GALNT13: variants seen among roughly 807,000 people sequenced by gnomAD.
The protein encoded by GALNT13 is UDP-GalNAc:polypeptide N-acetylgalactosaminyltransferase 13.
GALNT13 carries 28 observed loss-of-function variants against 64.2 expected under a neutral mutation model. That is an observed-to-expected ratio of 0.44 (90% CI 0.32 to 0.60). The LOEUF is 0.60. Ranked by LOEUF, GALNT13 falls within the 20% of genes least tolerant of loss-of-function variation. GALNT13 has a pLI of 0.05. For missense variants in GALNT13, 577 were observed against 669.8 expected (o/e 0.86, Z 1.53); for synonymous variants, 214 against 224.6 (o/e 0.95, Z 0.42).
At chr2:153,128,377 T>G in the GALNT13 span, among the ~76,000 whole-genome samples, 16 of 151,970 alleles carry the variant, frequency 1.1e-4, no homozygotes, top group Non-Finnish European at 2.1e-4. Flanking sequence ...AAACTCTGGT[T>G]TTTTAAAACC....
the GALNT13 span, among the ~76,000 whole-genome samples, chr2:153,079,287 AT>A: frequency 3.0e-4 from 45 of 152,292 alleles, no homozygotes; most frequent in African/African-American, 1.1e-3. Flanking sequence ...GGTTAGAAAA[AT>A]TTTTAAAGTT....
chr2:153,761,305 CTTA>C, the GALNT13 span: 7 of 152,016 alleles, frequency 4.6e-5, no homozygotes, highest in Non-Finnish European at 8.8e-5. Context: ...TATTTGTTTA[CTTA>C]TTATTTAATT....
chr2:153,960,636 G>T (rs929199103), intron 3 of GALNT13, among the ~76,000 whole-genome samples: 3 of 152,174 alleles, frequency 2.0e-5, no homozygotes, highest in African/African-American at 7.2e-5. Context: ...CAGCAACTCT[G>T]GGGTATCGCC....
chr2:153,169,027 C>T, the GALNT13 span, among the ~76,000 whole-genome samples: 1 of 149,144 alleles, frequency 6.7e-6, no homozygotes, highest in East Asian at 2.0e-4. Context: ...AAAAAAAAAA[C>T]TAGTTATGCC....
At chr2:153,584,566 G>A in the GALNT13 span, among the ~76,000 whole-genome samples, 1 of 152,174 alleles carries the variant, frequency 6.6e-6, no homozygotes, top group Non-Finnish European at 1.5e-5. Flanking sequence ...CTGCTCATGA[G>A]GCAGAATGCC....
At chr2:153,405,994 A>C in the GALNT13 span, among the ~76,000 whole-genome samples, 1 of 152,186 alleles carries the variant, frequency 6.6e-6, no homozygotes, top group East Asian at 1.9e-4. Flanking sequence ...AAACAAGCAA[A>C]AGTAGTACTT....
the GALNT13 span, among the ~76,000 whole-genome samples, chr2:153,830,744 C>T: frequency 6.6e-6 from 1 of 152,112 alleles, no homozygotes; most frequent in Non-Finnish European, 1.5e-5. Context: ...ATTTGTAAAA[C>T]TTGTTCCTAG....
At chr2:153,176,537 CA>C in the GALNT13 span, among the ~76,000 whole-genome samples, 1 of 148,146 alleles carries the variant, frequency 6.8e-6, no homozygotes, top group Admixed American at 6.7e-5. Context: ...ATTGGCTTAC[CA>C]GTAGACTGGA....
At chr2:153,757,539 T>C in the GALNT13 span, among the ~76,000 whole-genome samples, 1 of 152,290 alleles carries the variant, frequency 6.6e-6, no homozygotes, top group South Asian at 2.1e-4. Context: ...ATTGTATTTT[T>C]ACTTTTTTCA....
intron 9 of GALNT13, among the ~76,000 whole-genome samples, chr2:154,313,834 C>A (rs1231649424): frequency 6.6e-6 from 1 of 151,988 alleles, no homozygotes; most frequent in Non-Finnish European, 1.5e-5. Flanking sequence ...GCTTCTGATT[C>A]TCCTTCAAAG....
the GALNT13 span, among the ~76,000 whole-genome samples, chr2:153,611,487 G>A: frequency 1.3e-5 from 2 of 151,890 alleles, no homozygotes; most frequent in Non-Finnish European, 2.9e-5. Context: ...TCCAGCCTCA[G>A]CCTCCTGAAT....
chr2:153,996,347 T>C (rs2680681), intron 3 of GALNT13, among the ~76,000 whole-genome samples: 1 of 152,156 alleles, frequency 6.6e-6, no homozygotes, highest in Non-Finnish European at 1.5e-5. Flanking sequence ...TTGTTATCTT[T>C]TGTATTTTTG....
At position 154,192,661 on chromosome 2, in the gene GALNT13, T is replaced by C. The variant is rs532152718; in HGVS notation, c.312-49369T>C. On this transcript the variant is annotated intron_variant, in intron 4 of 12. Coordinates refer to ENST00000392825, the MANE Select transcript of GALNT13 (RefSeq NM_052917.4). ...CAGCAATTAGGTCCATTTTTATAGA[T>C]GTTTCTGGTAATTTGTTTGTTTTAG... Among the ~76,000 whole-genome samples the C allele has an allele frequency of 5.3e-5, 8 of 152,318 alleles. No individual in the cohort carries two copies. The South Asian group carries it at 1.7e-3, about 32-fold the overall frequency.
chr2:153,854,522 A>G, the GALNT13 span, among the ~76,000 whole-genome samples: 2 of 152,076 alleles, frequency 1.3e-5, 1 homozygote, highest in South Asian at 4.1e-4. Flanking sequence ...TGGAGGTTGC[A>G]GTGAGCTGAG....
At chr2:153,993,510 A>G (rs998830461) in intron 3 of GALNT13, among the ~76,000 whole-genome samples, 6 of 151,934 alleles carry the variant, frequency 3.9e-5, no homozygotes, top group Non-Finnish European at 7.4e-5. Flanking sequence ...CCTGGCTAAC[A>G]TGGTGAAACC....
At chr2:153,988,073 TACACACACACACAC>T (rs70981691) in intron 3 of GALNT13, among the ~76,000 whole-genome samples, 1 of 146,062 alleles carries the variant, frequency 6.8e-6, no homozygotes, top group Non-Finnish European at 1.5e-5. Context: ...TATATATATA[TACACACACACACAC>T]ACACACACAC....
At chr2:153,926,535 G>A (rs1690148173) in intron 2 of GALNT13, among the ~76,000 whole-genome samples, 1 of 152,032 alleles carries the variant, frequency 6.6e-6, no homozygotes, top group African/African-American at 2.4e-5. Flanking sequence ...TCACATTTGA[G>A]GCAAATTCTT....
At chr2:154,051,650 C>G (rs935067373) in intron 3 of GALNT13, among the ~76,000 whole-genome samples, 2 of 152,190 alleles carry the variant, frequency 1.3e-5, no homozygotes, top group African/African-American at 4.8e-5. Context: ...GGGTTAGAAT[C>G]AAGTTAAATA....
At chr2:153,114,193 T>A in the GALNT13 span, among the ~76,000 whole-genome samples, 2 of 152,136 alleles carry the variant, frequency 1.3e-5, no homozygotes, top group African/African-American at 4.8e-5. Context: ...AATGCCAGGA[T>A]GTGCTCAAAA....
Sources: allele counts gnomAD v4.1 joint callset (sites outside exome capture counted in the v4.1 genomes callset), GRCh38; gene constraint gnomAD v4.1.1; transcripts MANE v1.5; gene names NCBI Gene and HGNC (gene_info 2026-07-23, HGNC 2026-07-21).